Variants in ABI3BP observed in about 807,000 individuals in gnomAD.
The protein encoded by ABI3BP is ABI family member 3 binding protein, also known as target of Nesh-SH3.
ABI3BP carries 216 observed loss-of-function variants against 268.6 expected under a neutral mutation model. The ratio of observed to expected loss-of-function variants is 0.80; its 90% CI spans 0.72 to 0.90. The LOEUF is 0.90. Among genes scored for constraint, ABI3BP ranks in the 40% least tolerant of loss-of-function variants. ABI3BP has a pLI of 0.00. For missense variants in ABI3BP, 2,090 were observed against 2,182.4 expected, an observed-to-expected ratio of 0.96 and a Z score of 0.84; for synonymous variants, 730 against 730.0, an observed-to-expected ratio of 1.00 and a Z score of 0.00.
intron 9 of ABI3BP, among the ~76,000 whole-genome samples, chr3:100,869,130 G>A (rs1184136881): frequency 9.9e-5 from 15 of 151,426 alleles, no homozygotes; most frequent in Admixed American, 7.9e-4. Context: ...TTGTTTAATC[G>A]TCCAGATCCT....
chr3:100,915,966 G>A (rs2058482473), intron 2 of ABI3BP, among the ~76,000 whole-genome samples: 1 of 152,158 alleles, frequency 6.6e-6, no homozygotes, highest in Non-Finnish European at 1.5e-5. Context: ...TTACCCACTT[G>A]CCACATCCTT....
chr3:100,937,587 T>C (rs1057446396), intron 1 of ABI3BP, among the ~76,000 whole-genome samples: 10 of 152,056 alleles, frequency 6.6e-5, no homozygotes, highest in Non-Finnish European at 1.5e-4. Context: ...ATAACCACCC[T>C]ATACAGACTC....
At chr3:100,899,545 G>A (rs1282879075) in intron 3 of ABI3BP, among the ~76,000 whole-genome samples, 1 of 152,152 alleles carries the variant, frequency 6.6e-6, no homozygotes, top group African/African-American at 2.4e-5. Flanking sequence ...GTGCCAACTG[G>A]ATCTAAATAA....
At chr3:100,990,024 C>T (rs970266121) in intron 1 of ABI3BP, among the ~76,000 whole-genome samples, 2 of 152,188 alleles carry the variant, frequency 1.3e-5, no homozygotes, top group Non-Finnish European at 2.9e-5. Context: ...CAGCTTTCCA[C>T]AGGGTAATGT....
At position 100,750,497 on chromosome 3, in the gene ABI3BP, A is replaced by G; in HGVS notation, c.5359T>C (p.Ter1787GlnextTer17). ...ECGTTIPGKW[*>Q] ...CAGAAGGTAACTTTGTGCAGCATCT[A>G]CCATTTTCCAGGAATTGTAGTCCCA... Residue 1787 changes from the stop codon to glutamine (Q), a stop_lost, in exon 68 of 68, where the codon TAG (stop) becomes CAG (glutamine). Transcript: ENST00000471714. 1 of 1,609,242 alleles carries G rather than the reference A, an allele frequency of 6.2e-7. No homozygotes were observed.
At position 100,752,843 on chromosome 3, in the gene ABI3BP, C is replaced by T; in HGVS notation, c.5066G>A (p.Gly1689Glu). The change falls in exon 66 of 68, where the codon GGA becomes GAA. Residue 1689 changes from glycine to glutamate, a missense_variant. Coordinates refer to ENST00000471714, the MANE Select transcript of ABI3BP (RefSeq NM_001375547.2). ...VKRTWYKKFV[G>E]VQLCNSLRYK... ...TCTGAGAGAGTTGCACAGCTGCACT[C>T]CTACAAATTTTTTATACCATGTCCT... The T allele has an allele frequency of 6.2e-7, 1 of 1,613,542 alleles. No individual in the cohort carries two copies.
intron 66 of ABI3BP, among the ~76,000 whole-genome samples, chr3:100,752,040 T>C (rs1319321367): frequency 2.0e-5 from 3 of 152,222 alleles, no homozygotes; most frequent in Admixed American, 6.5e-5. Context: ...GTATTCTACC[T>C]TAGGCCTTTG....
intron 1 of ABI3BP, among the ~76,000 whole-genome samples, chr3:100,944,499 T>C (rs1193047369): frequency 6.6e-6 from 1 of 152,158 alleles, no homozygotes; most frequent in Non-Finnish European, 1.5e-5. Context: ...TACATATTTC[T>C]ATTGCAAAAC....
chr3:100,788,985 A>T (rs2097126576), intron 56 of ABI3BP, among the ~76,000 whole-genome samples: 1 of 152,040 alleles, frequency 6.6e-6, no homozygotes, highest in Non-Finnish European at 1.5e-5. Context: ...AATTTAACGT[A>T]TTTCCCAATA....
intron 1 of ABI3BP, among the ~76,000 whole-genome samples, chr3:100,975,982 T>C (rs1239839754): frequency 6.6e-6 from 1 of 152,146 alleles, no homozygotes; most frequent in Non-Finnish European, 1.5e-5. Context: ...CCAATTTTTA[T>C]GTTTTGTTAT....
At chr3:100,854,930 GT>G (rs67552039) in intron 14 of ABI3BP, among the ~76,000 whole-genome samples, 50,534 of 149,100 alleles carry the variant, frequency 0.34, 8,736 homozygotes, top group African/African-American at 0.42. Context: ...GTTAAATCAT[GT>G]TTTTTTTTTT....
rs2098284824 is a variant in ABI3BP at position 100,823,460 on chromosome 3, A to C, written c.2801T>G (p.Leu934Ter). 1 of 1,533,248 alleles carries C rather than the reference A, an allele frequency of 6.5e-7. No individual in the cohort carries two copies. Among genetic ancestry groups the C allele is most frequent in the Non-Finnish European group, 8.7e-7 (1 of 1,145,470 alleles). The allele number at this position is 1,533,248 out of a possible 1,614,324, so 95.0% of individuals were successfully genotyped here. A position where few individuals can be genotyped will look rare whatever the true frequency, so the allele number is the denominator to read the frequency against. The part of the protein sequence containing the change: ...VTLRPEASTT[L>*]ASKTSQRTRR... ...CGAAAACACTGTATCAACGTTACCT[A>C]ATGTTGTTGAGGCCTCAGGTCTAAG... Residue 934 changes from leucine to a stop codon, truncating the protein, a stop_gained and splice_region_variant, in exon 37 of 68, where the codon TTA (leucine) becomes TGA (stop). Transcript: ENST00000471714. LOFTEE classifies it high-confidence loss of function.
chr3:100,807,835 G>A (rs1447085732), intron 50 of ABI3BP, among the ~76,000 whole-genome samples: 2 of 152,010 alleles, frequency 1.3e-5, no homozygotes, highest in African/African-American at 4.8e-5. Context: ...AGCACATTCA[G>A]GAATAGTGGA....
At chr3:100,758,389 A>G (rs1195551248) in intron 63 of ABI3BP, among the ~76,000 whole-genome samples, 1 of 152,232 alleles carries the variant, frequency 6.6e-6, no homozygotes, top group Non-Finnish European at 1.5e-5. Context: ...TGCTTGACAC[A>G]TAGTAATAAG....
intron 57 of ABI3BP, among the ~76,000 whole-genome samples, chr3:100,785,834 G>A (rs971783114): frequency 2.6e-5 from 4 of 152,190 alleles, no homozygotes; most frequent in Non-Finnish European, 5.9e-5. Context: ...TTAATTTCCT[G>A]AGAGCTTTCA....
In ABI3BP at chr3:100,817,605, G is replaced by A. The variant is rs2098096584; in HGVS notation, c.3089-110C>T. On this transcript the variant is annotated intron_variant, in intron 41 of 67. Coordinates refer to ENST00000471714, the MANE Select transcript of ABI3BP (RefSeq NM_001375547.2). ...AGTAAGGCTTGTTTTTTGCAGATTT[G>A]GCCAAACCATGGTCAGGTACCCATT... 5.2e-6 allele frequency: 4 copies of A among 771,872 alleles called. No individual in the cohort carries two copies. The East Asian group carries it at 1.1e-4, about 22-fold the overall frequency. 47.8% of individuals were successfully genotyped at this position (771,872 alleles called of 1,614,324 possible).
At chr3:100,919,442 C>G (rs2153603469) in intron 2 of ABI3BP, among the ~76,000 whole-genome samples, 1 of 152,246 alleles carries the variant, frequency 6.6e-6, no homozygotes, top group Admixed American at 6.5e-5. Flanking sequence ...TTTCCTCTTG[C>G]CGTCTATACC....
intron 1 of ABI3BP, among the ~76,000 whole-genome samples, chr3:100,980,711 G>C (rs2088914435): frequency 6.6e-6 from 1 of 152,186 alleles, no homozygotes; most frequent in Non-Finnish European, 1.5e-5. Context: ...TTTATATGTT[G>C]AAATAGTATT....
chr3:100,926,065 T>G (rs916486723), intron 2 of ABI3BP, among the ~76,000 whole-genome samples: 5 of 152,132 alleles, frequency 3.3e-5, no homozygotes, highest in Non-Finnish European at 7.3e-5. Context: ...TCCTTATGAA[T>G]TCTTGAGTTA....
Sources: gnomAD v4.1 joint callset for allele counts (sites outside exome capture counted in the v4.1 genomes callset) on GRCh38, gnomAD v4.1.1 for gene constraint, MANE v1.5 for transcripts, NCBI Gene and HGNC (gene_info 2026-07-23, HGNC 2026-07-21) for gene names.